The following IL1RAPL2 variants were observed in gnomAD, a reference collection of about 807,000 sequenced individuals.
The protein encoded by IL1RAPL2 is interleukin 1 receptor accessory protein like 2.
A neutral mutation model predicts 44.1 loss-of-function variants in IL1RAPL2; 3 were observed. The ratio of observed to expected loss-of-function variants is 0.07; its 90% CI spans 0.03 to 0.18. The LOEUF is 0.18. Ranked by LOEUF, IL1RAPL2 falls within the 10% of genes least tolerant of loss-of-function variation. The probability of loss-of-function intolerance (pLI) is 1.00; values close to 1 mark genes in which losing one functional copy is unlikely to be tolerated. For synonymous variants in IL1RAPL2, 181 were observed against 178.8 expected (o/e 1.01, Z -0.10); for missense variants, 391 against 496.4 (o/e 0.79, Z 2.02).
chrX:105,117,191 T>C (rs2032871078), intron 2 of IL1RAPL2, among the ~76,000 whole-genome samples: 1 of 112,063 alleles, frequency 8.9e-6, no homozygotes, highest in Non-Finnish European at 1.9e-5. Flanking sequence ...CCAGCACAGA[T>C]GAGAAGATTT....
intron 5 of IL1RAPL2, among the ~76,000 whole-genome samples, chrX:105,411,582 A>G (rs1377578590): frequency 8.9e-6 from 1 of 111,800 alleles, no homozygotes; most frequent in Non-Finnish European, 1.9e-5. Context: ...AGATTATTGT[A>G]TAATGATAAA....
In IL1RAPL2 at chrX:105,497,957, G is replaced by A. The variant is rs1368768457; in HGVS notation, c.772+13570G>A. On this transcript the variant is annotated intron_variant, in intron 6 of 10. Coordinates refer to ENST00000372582, the MANE Select transcript of IL1RAPL2 (RefSeq NM_017416.2). ...GTCCACAGCTAACATCATATTTGAT[G>A]ATGAAAAATCGAAAGCTTTTCCTGT... Among the ~76,000 whole-genome samples, 3 of 112,140 alleles carry A rather than the reference G, an allele frequency of 2.7e-5. No homozygotes were observed. The East Asian group carries it at 8.4e-4, about 31-fold the overall frequency.
chrX:105,344,888 ACTT>A (rs951421063), intron 5 of IL1RAPL2, among the ~76,000 whole-genome samples: 5 of 112,081 alleles, frequency 4.5e-5, no homozygotes, highest in African/African-American at 1.6e-4. Flanking sequence ...CAGGCACTGA[ACTT>A]AAATATTATG....
chrX:104,868,682 C>G (rs1922682708), intron 2 of IL1RAPL2, among the ~76,000 whole-genome samples: 1 of 112,151 alleles, frequency 8.9e-6, no homozygotes, highest in African/African-American at 3.2e-5. Flanking sequence ...GAAGCTGTAC[C>G]CTTCCAATTA....
At chrX:105,460,478 A>G (rs765051996) in intron 5 of IL1RAPL2, among the ~76,000 whole-genome samples, 8 of 109,565 alleles carry the variant, frequency 7.3e-5, no homozygotes, top group Non-Finnish European at 1.1e-4. Flanking sequence ...TTCCAGGCAC[A>G]TGTGAACCAC....
chrX:104,603,432 C>A (rs1928930597), intron 1 of IL1RAPL2, among the ~76,000 whole-genome samples: 1 of 111,698 alleles, frequency 9.0e-6, no homozygotes, highest in South Asian at 3.7e-4. Flanking sequence ...AGCAAGAGAA[C>A]AAAACTGGAC....
chrX:105,213,647 G>A (rs1423019927), intron 3 of IL1RAPL2, among the ~76,000 whole-genome samples: 2 of 110,537 alleles, frequency 1.8e-5, no homozygotes, highest in Non-Finnish European at 3.8e-5. Context: ...GATACTCTTC[G>A]AGAAGAGTAA....
chrX:105,435,881 G>A (rs1162394787), intron 5 of IL1RAPL2, among the ~76,000 whole-genome samples: 2 of 110,618 alleles, frequency 1.8e-5, no homozygotes, highest in East Asian at 2.9e-4. Context: ...AACACATACC[G>A]GGGCCTGTCA....
chrX:104,803,746 C>T (rs773853848), intron 2 of IL1RAPL2, among the ~76,000 whole-genome samples: 32 of 112,556 alleles, frequency 2.8e-4, no homozygotes, highest in Non-Finnish European at 3.2e-4. Flanking sequence ...GGGTGCCTGA[C>T]GCTTGTTAGA....
At chrX:105,034,552 A>G (rs1472821048) in intron 2 of IL1RAPL2, among the ~76,000 whole-genome samples, 5 of 112,032 alleles carry the variant, frequency 4.5e-5, no homozygotes, top group Admixed American at 1.9e-4. Flanking sequence ...GCTGTAGAAC[A>G]GCGGATATTG....
intron 7 of IL1RAPL2, among the ~76,000 whole-genome samples, chrX:105,720,271 T>A (rs1237598608): frequency 1.1e-5 from 1 of 94,079 alleles, no homozygotes; most frequent in African/African-American, 3.9e-5. Context: ...AAGGGCGGAT[T>A]GATATATGTG....
intron 6 of IL1RAPL2, among the ~76,000 whole-genome samples, chrX:105,492,225 G>A (rs1279982886): frequency 9.0e-6 from 1 of 111,327 alleles, no homozygotes; most frequent in East Asian, 2.8e-4. Context: ...ATGAGGAAAC[G>A]TAACCACAGA....
intron 3 of IL1RAPL2, chrX:105,219,348 G>T (rs781802607): frequency 5.0e-6 from 6 of 1,209,248 alleles, no homozygotes; most frequent in Non-Finnish European, 6.7e-6. Flanking sequence ...TGGACCAGGG[G>T]TTCGTGGTTC....
chrX:104,645,909 A>G (rs1930029256), intron 1 of IL1RAPL2, among the ~76,000 whole-genome samples: 1 of 112,627 alleles, frequency 8.9e-6, no homozygotes, highest in Non-Finnish European at 1.9e-5. Context: ...AAGATGTGCC[A>G]ATATGGTCTA....
chrX:104,760,805 T>C (rs1480994228), intron 2 of IL1RAPL2, among the ~76,000 whole-genome samples: 1 of 111,577 alleles, frequency 9.0e-6, no homozygotes, highest in Non-Finnish European at 1.9e-5. Context: ...TTGTCCCTAT[T>C]TGATTTGGTT....
chrX:105,145,463 G>A (rs2033171418), intron 2 of IL1RAPL2, among the ~76,000 whole-genome samples: 1 of 111,538 alleles, frequency 9.0e-6, no homozygotes, highest in East Asian at 2.8e-4. Context: ...GGTTGGTTAA[G>A]AACTGTCAGA....
At chrX:105,076,905 C>T (rs1286287061) in intron 2 of IL1RAPL2, among the ~76,000 whole-genome samples, 1 of 110,914 alleles carries the variant, frequency 9.0e-6, no homozygotes, top group African/African-American at 3.3e-5. Context: ...GGTAGATCTT[C>T]CTCCATCCCT....
At chrX:105,635,818 A>T (rs1261908431) in intron 6 of IL1RAPL2, among the ~76,000 whole-genome samples, 1 of 111,600 alleles carries the variant, frequency 9.0e-6, no homozygotes, top group African/African-American at 3.3e-5. Flanking sequence ...ATTTACCAGG[A>T]GTTCACCCTT....
intron 6 of IL1RAPL2, among the ~76,000 whole-genome samples, chrX:105,651,575 C>T (rs2037642559): frequency 9.0e-6 from 1 of 111,535 alleles, no homozygotes; most frequent in African/African-American, 3.3e-5. Context: ...ATTATTTGCA[C>T]TATGTCCCCC....
Sources: gnomAD v4.1 joint callset for allele counts (sites outside exome capture counted in the v4.1 genomes callset) on GRCh38, gnomAD v4.1.1 for gene constraint, MANE v1.5 for transcripts, NCBI Gene and HGNC (gene_info 2026-07-23, HGNC 2026-07-21) for gene names.